Variants in PPP2R2B observed in about 807,000 individuals in gnomAD.
PPP2R2B encodes protein phosphatase 2 regulatory subunit Bbeta, also known as serine/threonine-protein phosphatase 2A 55 kDa regulatory subunit B beta isoform.
Under a neutral mutation model 46.0 loss-of-function variants are expected in PPP2R2B, and 5 were observed. The observed-to-expected ratio is 0.11, with a 90% CI of 0.06 to 0.23. PPP2R2B has a LOEUF of 0.23. Among genes scored for constraint, PPP2R2B ranks in the 10% least tolerant of loss-of-function variants. The pLI is 1.00. For missense variants in PPP2R2B, 367 were observed against 575.0 expected, an observed-to-expected ratio of 0.64 and a Z score of 3.70; for synonymous variants, 215 against 206.7, an observed-to-expected ratio of 1.04 and a Z score of -0.34.
At chr5:147,045,330 G>GATATGT (rs1327303334) in intron 1 of PPP2R2B, among the ~76,000 whole-genome samples, 1 of 152,056 alleles carries the variant, frequency 6.6e-6, no homozygotes, top group Admixed American at 6.6e-5. Flanking sequence ...TCTATGTTTA[G>GATATGT]ATATGTTTAA....
At chr5:147,067,308 C>T (rs1353664473) in intron 2 of PPP2R2B, among the ~76,000 whole-genome samples, 1 of 152,084 alleles carries the variant, frequency 6.6e-6, no homozygotes, top group Admixed American at 6.6e-5. Flanking sequence ...TCATTTGTAT[C>T]CTCAACCTCC....
In PPP2R2B at chr5:146,925,693, T is replaced by G. The variant is rs1013177767; in HGVS notation, c.79+129972A>C. Among the ~76,000 whole-genome samples, 4 of 152,178 alleles carry G rather than the reference T, an allele frequency of 2.6e-5. No individual in the cohort carries two copies. The South Asian group carries it at 8.3e-4, about 32-fold the overall frequency. On this transcript the variant is annotated intron_variant, in intron 1 of 8. Coordinates refer to the PPP2R2B transcript ENST00000336640. The stretch of plus-strand genomic sequence containing the variant: ...AGATTAATTTTCTAAAAAATCAAAT[T>G]TTGGAAGTTTTGGCCATTATTTTTT...
chr5:146,949,345 C>T (rs181558836), intron 1 of PPP2R2B, among the ~76,000 whole-genome samples: 1 of 152,138 alleles, frequency 6.6e-6, no homozygotes, highest in African/African-American at 2.4e-5. Flanking sequence ...GACAAGAGTT[C>T]TGAATAGACA....
At chr5:146,675,840 C>T (rs661408) in intron 5 of PPP2R2B, among the ~76,000 whole-genome samples, 114,926 of 151,394 alleles carry the variant, frequency 0.76, 45,034 homozygotes, top group Non-Finnish European at 0.86. Flanking sequence ...CTCTCTCTGG[C>T]CCACTGCTTG....
chr5:146,655,752 C>T lies in PPP2R2B; in HGVS notation c.448-5028G>A, dbSNP rs115284198. On this transcript the variant is annotated intron_variant, in intron 5 of 9. Transcript: ENST00000394411. ...AAGTAAATAGATCTTTCAGCGAGGG[C>T]GATCACGCTGCCATGGAGGTCATCA... Among the ~76,000 whole-genome samples the T allele has an allele frequency of 6.5e-3, 985 of 152,224 alleles. 10 individuals are homozygous for T. Among genetic ancestry groups the T allele is most frequent in the African/African-American group, 0.022 (907 of 41,526 alleles).
At chr5:146,700,027 G>A (rs1408771872) in intron 3 of PPP2R2B, among the ~76,000 whole-genome samples, 2 of 152,124 alleles carry the variant, frequency 1.3e-5, no homozygotes, top group Non-Finnish European at 2.9e-5. Flanking sequence ...AACCCCGAGG[G>A]ATTACGATGC....
upstream of PPP2R2B, among the ~76,000 whole-genome samples, chr5:146,883,448 A>G (rs888000140): frequency 6.6e-6 from 1 of 152,214 alleles, no homozygotes; most frequent in Non-Finnish European, 1.5e-5. Context: ...CTGCCTATCA[A>G]TCTGTCTTAA....
chr5:146,830,215 A>G (rs1323472553), intron 2 of PPP2R2B, among the ~76,000 whole-genome samples: 1 of 152,194 alleles, frequency 6.6e-6, no homozygotes, highest in Non-Finnish European at 1.5e-5. Flanking sequence ...AATCTTCTTC[A>G]GTTTACTCAT....
chr5:146,907,953 TCTTC>T (rs1431663852), intron 1 of PPP2R2B, among the ~76,000 whole-genome samples: 1 of 152,166 alleles, frequency 6.6e-6, no homozygotes, highest in Admixed American at 6.5e-5. Context: ...ACCATGTTGT[TCTTC>T]CTTATTAATA....
intron 2 of PPP2R2B, among the ~76,000 whole-genome samples, chr5:147,064,469 C>T (rs1757359885): frequency 6.6e-6 from 1 of 152,190 alleles, no homozygotes; most frequent in African/African-American, 2.4e-5. Flanking sequence ...CCCTCCCACA[C>T]CCTATATTGA....
chr5:146,669,192 A>T (rs866166677), intron 5 of PPP2R2B, among the ~76,000 whole-genome samples: 2 of 152,324 alleles, frequency 1.3e-5, no homozygotes, highest in Middle Eastern at 6.8e-3. Context: ...TAGGAATACA[A>T]TTATGTACTG....
chr5:146,589,889 T>A lies in PPP2R2B; in HGVS notation c.*58A>T. 6.6e-7 allele frequency: 1 copy of A among 1,525,484 alleles called. No homozygotes were observed. Among genetic ancestry groups the A allele is most frequent in the Non-Finnish European group, 9.0e-7 (1 of 1,113,648 alleles). 94.5% of individuals were successfully genotyped at this position (1,525,484 alleles called of 1,614,324 possible). A position where few individuals can be genotyped will look rare whatever the true frequency, so the allele number is the denominator to read the frequency against. ...TCAAATGAAGACCCAAAGAAACATT[T>A]AAAAACTTGTTTGACTAGTATTCAG... On this transcript the variant is annotated 3_prime_UTR_variant, in exon 10 of 10. Coordinates refer to ENST00000394411, the MANE Select transcript of PPP2R2B (RefSeq NM_181675.4).
At chr5:146,956,702 A>G (rs925877718) in intron 1 of PPP2R2B, among the ~76,000 whole-genome samples, 2 of 152,176 alleles carry the variant, frequency 1.3e-5, no homozygotes, top group African/African-American at 2.4e-5. Context: ...ACAAAGTACC[A>G]TAGACTGAGT....
In PPP2R2B at chr5:147,054,658, A is replaced by G. The variant is rs76632046; in HGVS notation, c.79+1007T>C. On this transcript the variant is annotated intron_variant, in intron 1 of 8. Transcript: ENST00000336640. ...ACACAGCCCCCAGTCTCAGGATTCT[A>G]CCTGGAGGATGAAAACAAGAGTGGG... The G allele has an allele frequency of 2.7e-3, 1,228 of 456,166 alleles. 13 individuals are homozygous for G. Among genetic ancestry groups the G allele is most frequent in the African/African-American group, 0.023 (1,140 of 50,176 alleles). The allele number at this position is 456,166 out of a possible 1,614,324, so 28.3% of individuals were successfully genotyped here.
At chr5:146,751,997 G>A (rs1753585917) in intron 2 of PPP2R2B, among the ~76,000 whole-genome samples, 1 of 152,150 alleles carries the variant, frequency 6.6e-6, no homozygotes, top group East Asian at 1.9e-4. Context: ...ATGTGAAACT[G>A]CAGGCCTTGG....
intron 2 of PPP2R2B, among the ~76,000 whole-genome samples, chr5:146,780,430 G>A (rs1001184565): frequency 1.3e-5 from 2 of 152,302 alleles, no homozygotes; most frequent in Admixed American, 6.5e-5. Context: ...CCTGCGGTAC[G>A]AGGAATACAG....
chr5:146,954,756 ATGTGTGTGTGTG>A (rs149370877), intron 1 of PPP2R2B, among the ~76,000 whole-genome samples: 3 of 146,746 alleles, frequency 2.0e-5, no homozygotes, highest in African/African-American at 2.5e-5. Flanking sequence ...ATGTGTATAT[ATGTGTGTGTGTG>A]TGTGTGTGTG....
At chr5:147,057,689 A>G (rs904655414), upstream of PPP2R2B, among the ~76,000 whole-genome samples, 5 of 152,222 alleles carry the variant, frequency 3.3e-5, no homozygotes, top group African/African-American at 9.6e-5. Context: ...TGCTGCTGTT[A>G]GCCTTCTCTG....
chr5:146,699,656 A>G (rs1779416875), intron 3 of PPP2R2B, among the ~76,000 whole-genome samples: 1 of 133,668 alleles, frequency 7.5e-6, no homozygotes, highest in Admixed American at 8.5e-5. Flanking sequence ...CTGCGAACTT[A>G]ATTGGTTTTT....
Sources: allele counts gnomAD v4.1 joint callset (sites outside exome capture counted in the v4.1 genomes callset), GRCh38; gene constraint gnomAD v4.1.1; transcripts MANE v1.5; gene names NCBI Gene and HGNC (gene_info 2026-07-23, HGNC 2026-07-21).